The following HHAT variants were observed in gnomAD, a reference collection of about 807,000 sequenced individuals.
HHAT encodes the protein protein-cysteine N-palmitoyltransferase HHAT.
In HHAT, 47 loss-of-function variants were observed where a neutral mutation model predicts 70.8. That is an observed-to-expected ratio of 0.66 (90% confidence interval 0.53 to 0.85). The LOEUF is 0.85. Among genes scored for constraint, HHAT ranks in the 40% least tolerant of loss-of-function variants. HHAT has a pLI of 0.00. For synonymous variants in HHAT, 228 were observed against 247.6 expected (o/e 0.92, Z 0.74); for missense variants, 609 against 604.8 (o/e 1.01, Z -0.07).
Position 210,674,304 on chromosome 1 carries a change from C to T in HHAT, c.1407C>T (p.Thr469=). The change falls in exon 12 of 12, where the codon ACC becomes ACT. Residue 469 remains threonine, a synonymous_variant. Transcript: ENST00000261458. ...CCTCTGCAGGCTGGCCTTGGGTGAC[C>T]CTCTCTGTCCTGGGATTCCTGTACT... The part of the protein sequence containing the change: ...RIFIQGWPWV[T]LSVLGFLYCY... The T allele has an allele frequency of 6.2e-7, 1 of 1,614,086 alleles. No individual in the cohort carries two copies. The highest frequency in any genetic ancestry group is 8.5e-7 in the Non-Finnish European group (1 of 1,179,958).
chr1:210,358,274 G>A (rs1167166580), intron 2 of HHAT, among the ~76,000 whole-genome samples: 1 of 152,216 alleles, frequency 6.6e-6, no homozygotes, highest in Non-Finnish European at 1.5e-5. Context: ...AGTTTTCCAT[G>A]CAAATTAAGC....
At chr1:210,536,770 C>T (rs548679220) in intron 9 of HHAT, among the ~76,000 whole-genome samples, 109 of 152,258 alleles carry the variant, frequency 7.2e-4, no homozygotes, top group Non-Finnish European at 1.1e-3. Context: ...CAGGATTTGG[C>T]GATGTTGGCA....
chr1:210,395,198 T>C (rs1427665542), intron 4 of HHAT, among the ~76,000 whole-genome samples: 2 of 152,028 alleles, frequency 1.3e-5, no homozygotes, highest in Admixed American at 1.3e-4. Context: ...ACAGGAATTC[T>C]GACCAAGGCT....
At chr1:210,422,481 C>T (rs2092932360) in intron 7 of HHAT, among the ~76,000 whole-genome samples, 1 of 152,066 alleles carries the variant, frequency 6.6e-6, no homozygotes, top group African/African-American at 2.4e-5. Context: ...TATTAGCTTC[C>T]ACCTATGAGT....
At chr1:210,644,429 C>A (rs1259019562) in intron 11 of HHAT, among the ~76,000 whole-genome samples, 1 of 151,848 alleles carries the variant, frequency 6.6e-6, no homozygotes, top group African/African-American at 2.4e-5. Context: ...ATGGTGAAAT[C>A]CCGTCTCTAC....
At chr1:210,406,223 A>G (rs1381875669) in intron 6 of HHAT, among the ~76,000 whole-genome samples, 2 of 152,184 alleles carry the variant, frequency 1.3e-5, no homozygotes, top group Non-Finnish European at 2.9e-5. Context: ...ACATCCACAC[A>G]CAGACACCCC....
intron 9 of HHAT, among the ~76,000 whole-genome samples, chr1:210,520,223 G>T (rs2095134285): frequency 6.6e-6 from 1 of 151,926 alleles, no homozygotes; most frequent in African/African-American, 2.4e-5. Flanking sequence ...CACTGTGTTG[G>T]CCAGGCTGGT....
At chr1:210,339,504 C>A (rs1361725896) in intron 1 of HHAT, among the ~76,000 whole-genome samples, 1 of 152,142 alleles carries the variant, frequency 6.6e-6, no homozygotes, top group Non-Finnish European at 1.5e-5. Context: ...GGAGCCTGGT[C>A]CTTAAGGGAT....
chr1:210,397,491 A>G (rs1395173436), intron 4 of HHAT, among the ~76,000 whole-genome samples: 4 of 152,084 alleles, frequency 2.6e-5, no homozygotes, highest in Admixed American at 6.5e-5. Context: ...GAACTTGGGG[A>G]AAAAAATCTG....
At chr1:210,526,320 G>A (rs1163503223) in intron 9 of HHAT, among the ~76,000 whole-genome samples, 1 of 149,302 alleles carries the variant, frequency 6.7e-6, no homozygotes, top group Non-Finnish European at 1.5e-5. Flanking sequence ...GTCAGAGATT[G>A]TGCAAACTGC....
rs186299333 is a variant in HHAT at position 210,404,062 on chromosome 1, A to G, written c.469-402A>G. Among the ~76,000 whole-genome samples the G allele has an allele frequency of 1.1e-3, 172 of 152,262 alleles. 1 individual carries two copies. Among genetic ancestry groups the G allele is most frequent in the African/African-American group, 2.3e-3 (95 of 41,548 alleles). On this transcript the variant is annotated intron_variant, in intron 5 of 11. Coordinates refer to ENST00000261458, the MANE Select transcript of HHAT (RefSeq NM_018194.6). ...ATTGAAGACAGAAATCCCATGGGAC[A>G]TTTTAAGCCCCTCTTTGTTATCTGA...
At chr1:210,545,059 A>G (rs1473108970) in intron 9 of HHAT, among the ~76,000 whole-genome samples, 1 of 151,840 alleles carries the variant, frequency 6.6e-6, no homozygotes, top group African/African-American at 2.4e-5. Context: ...CCCGTTCTCC[A>G]TATTGTAATG....
At chr1:210,495,812 A>C (rs2094628326) in intron 8 of HHAT, among the ~76,000 whole-genome samples, 1 of 152,112 alleles carries the variant, frequency 6.6e-6, no homozygotes, top group African/African-American at 2.4e-5. Flanking sequence ...GTTCAAGACC[A>C]GCCTGGCCAA....
At chr1:210,531,439 A>G (rs1166555020) in intron 9 of HHAT, among the ~76,000 whole-genome samples, 1 of 152,200 alleles carries the variant, frequency 6.6e-6, no homozygotes, top group African/African-American at 2.4e-5. Context: ...GAGGAAGAAG[A>G]GGAACCCAGG....
Position 210,349,039 on chromosome 1 carries a change from T to A in HHAT, c.64T>A (p.Phe22Ile). 1 of 1,614,122 alleles carries A rather than the reference T, an allele frequency of 6.2e-7. No homozygotes were observed. The highest frequency in any genetic ancestry group is 8.5e-7 in the Non-Finnish European group (1 of 1,180,008). Residue 22 changes from phenylalanine (F) to isoleucine (I), a missense_variant, in exon 2 of 12, where the codon TTC becomes ATC. Phe to Ile is a conservative substitution (Grantham distance 21). Transcript: ENST00000261458. ...LASLGFHFYS[F>I]YEVYKVSREH... is the part of the protein sequence containing the mutation. ...CTCACTAGGCTTCCACTTCTATTCC[T>A]TCTATGAAGTTTACAAAGTCTCCAG...
At chr1:210,513,377 A>G (rs997853076) in intron 9 of HHAT, among the ~76,000 whole-genome samples, 189 bp downstream of exon 9, 2 of 152,220 alleles carry the variant, frequency 1.3e-5, no homozygotes, top group Admixed American at 6.5e-5. Flanking sequence ...TAAAGAAATC[A>G]ATGTTTAAAG....
chr1:210,345,803 G>A (rs968874256), intron 1 of HHAT, among the ~76,000 whole-genome samples: 12 of 152,202 alleles, frequency 7.9e-5, no homozygotes, highest in African/African-American at 2.9e-4. Context: ...GCAGCACTAA[G>A]CTGGGTGCAG....
In HHAT at chr1:210,588,086, T is replaced by C; in HGVS notation, c.1232T>C (p.Ile411Thr). 4 of 1,605,402 alleles carry C rather than the reference T, an allele frequency of 2.5e-6. No homozygotes were observed. The highest frequency in any genetic ancestry group is 3.4e-6 in the Non-Finnish European group (4 of 1,176,886). Reference sequence around the variant, plus strand: ...CGGAGGCTGGTGGAGACTCCCTGCATCCAGGACAGTCTGGTGAGCAGGATC... The same window carrying C: ...CGGAGGCTGGTGGAGACTCCCTGCACCCAGGACAGTCTGGTGAGCAGGATC... ...GVRRLVETPC[I>T]QDSLARYFSP... The change falls in exon 10 of 12, where the codon ATC (isoleucine) becomes ACC (threonine). Residue 411 changes from isoleucine (I) to threonine (T), a missense_variant. Physicochemically the swap from Ile to Thr is moderately conservative, Grantham distance 89 (BLOSUM62 -1). Coordinates refer to ENST00000261458, the MANE Select transcript of HHAT (RefSeq NM_018194.6).
At chr1:210,355,563 G>A (rs4845004) in intron 2 of HHAT, among the ~76,000 whole-genome samples, 73,218 of 151,894 alleles carry the variant, frequency 0.48, 18,772 homozygotes, top group Admixed American at 0.59. Context: ...CAAACCTACC[G>A]TGACCATGGT....
Sources: gnomAD v4.1 joint callset for allele counts (sites outside exome capture counted in the v4.1 genomes callset) on GRCh38, gnomAD v4.1.1 for gene constraint, MANE v1.5 for transcripts, NCBI Gene and HGNC (gene_info 2026-07-23, HGNC 2026-07-21) for gene names.